FAM20C: variants seen among roughly 807,000 people sequenced by gnomAD.
FAM20C encodes the protein FAM20C golgi associated secretory pathway kinase, also known as extracellular serine/threonine protein kinase FAM20C.
FAM20C carries 40 observed loss-of-function variants against 51.5 expected under a neutral mutation model. The ratio of observed to expected loss-of-function variants is 0.78; its 90% CI spans 0.60 to 1.01. The LOEUF is 1.01. FAM20C is among the 50% of genes least tolerant of loss of function. FAM20C has a pLI of 0.00. For missense variants in FAM20C, 861 were observed against 844.7 expected (o/e 1.02, Z -0.24); for synonymous variants, 406 against 380.6 (o/e 1.07, Z -0.78).
chr7:254,934 A>T (rs1237548988), intron 5 of FAM20C, among the ~76,000 whole-genome samples: 1 of 151,910 alleles, frequency 6.6e-6, no homozygotes, highest in Admixed American at 6.6e-5. Flanking sequence ...TTCTTGTTTC[A>T]TTTCGTTTCG....
intron 3 of FAM20C, among the ~76,000 whole-genome samples, chr7:214,967 G>T (rs1313777821): frequency 5.3e-5 from 8 of 152,068 alleles, no homozygotes; most frequent in Non-Finnish European, 1.0e-4. Flanking sequence ...ACACAGATGT[G>T]ACTCAGACTC....
intron 5 of FAM20C, among the ~76,000 whole-genome samples, chr7:253,954 C>G (rs1380356401): frequency 6.6e-6 from 1 of 152,176 alleles, no homozygotes; most frequent in Admixed American, 6.5e-5. Flanking sequence ...CTGCCTCGTC[C>G]GACTGTGGGC....
intron 5 of FAM20C, among the ~76,000 whole-genome samples, chr7:254,279 GA>G (rs1352583165): frequency 1.3e-5 from 2 of 152,194 alleles, no homozygotes; most frequent in Non-Finnish European, 2.9e-5. Context: ...CCTGCCTTCT[GA>G]TCCCACGGGG....
chr7:256,941 G>A, intron 7 of FAM20C, 64 bp from the exon 8 acceptor site: 1 of 1,505,806 alleles, frequency 6.6e-7, no homozygotes, highest in Non-Finnish European at 8.9e-7. Context: ...GCAGAGCACA[G>A]AGGCCTCTGA....
rs56888580 is a variant in FAM20C, at chr7:209,553, T to C, written c.863+577T>C. ...GCCCTGATCTGGATAAAATAGAAAC[T>C]GTGTCAGTCACCAAAACCGATAACA... On this transcript the variant is annotated intron_variant, in intron 3 of 9. Coordinates refer to ENST00000313766, the MANE Select transcript of FAM20C (RefSeq NM_020223.4). Among the ~76,000 whole-genome samples the C allele has an allele frequency of 7.0e-5, 10 of 143,248 alleles. No homozygotes were observed. In the South Asian group the frequency reaches 2.3e-3, roughly 33 times the overall value. The allele number at this position is 143,248 out of a possible 152,430, so 94.0% of individuals were successfully genotyped here. A position where few individuals can be genotyped will look rare whatever the true frequency, so the allele number is the denominator to read the frequency against.
Position 193,222 on chromosome 7 carries a change from G to A in FAM20C, c.23G>A (p.Arg8Gln), listed in dbSNP as rs73251052. The stretch of plus-strand genomic sequence containing the variant: ...GCCATGAAGATGATGCTGGTGCGCC[G>A]GTTCCGCGTGCTCATCCTGATGGTG... MKMMLVR[R>Q]FRVLILMVFL... Residue 8 changes from arginine (R) to glutamine (Q), a missense_variant, in exon 1 of 10, where the codon CGG becomes CAG. Arg to Gln is a conservative substitution (Grantham distance 43). This residue lies in a region of FAM20C where 561 missense variants were observed against 499.8 expected (regional missense o/e 1.12). Coordinates refer to ENST00000313766, the MANE Select transcript of FAM20C (RefSeq NM_020223.4). 2.4e-4 allele frequency: 349 copies of A among 1,462,028 alleles called. 2 individuals are homozygous for A. In the African/African-American group the frequency reaches 4.7e-3, roughly 20 times the overall value. 90.6% of individuals were successfully genotyped at this position (1,462,028 alleles called of 1,614,324 possible).
intron 3 of FAM20C, among the ~76,000 whole-genome samples, chr7:212,784 C>T (rs1411283566): frequency 6.6e-6 from 1 of 152,146 alleles, no homozygotes. Flanking sequence ...TATTTACGTT[C>T]TTTTTTTAAA....
chr7:234,198 G>A (rs1268503100), intron 3 of FAM20C, among the ~76,000 whole-genome samples: 1 of 152,238 alleles, frequency 6.6e-6, no homozygotes, highest in Non-Finnish European at 1.5e-5. Flanking sequence ...CGGCCGCCAG[G>A]ATTTCACCCG....
intron 3 of FAM20C, among the ~76,000 whole-genome samples, chr7:216,982 C>T (rs1787013254): frequency 1.3e-5 from 2 of 152,234 alleles, no homozygotes; most frequent in South Asian, 4.1e-4. Context: ...TGAACGGCCT[C>T]ATCCCAAGCA....
At position 258,694 on chromosome 7, in the gene FAM20C, G is replaced by T. The variant is rs1157186074; in HGVS notation, c.1494G>T (p.Gln498His). ...AGCTCTCCATCCTGGTGCCGCTACA[G>T]CAGTGCTGCAGGTACAGCCCCTGCC... The part of the protein sequence containing the change: ...HDELSILVPL[Q>H]QCCRIRKSTY... The change falls in exon 9 of 10, where the codon CAG (glutamine) becomes CAT (histidine). Residue 498 changes from glutamine to histidine, a missense_variant. Around this residue, in one of 3 missense-constraint regions of FAM20C, gnomAD observed 269 missense variants for 283.8 expected, o/e 0.95. Transcript: ENST00000313766. The T allele has an allele frequency of 1.3e-6, 2 of 1,536,202 alleles. No individual in the cohort carries two copies. Among genetic ancestry groups the T allele is most frequent in the African/African-American group, 1.4e-5 (1 of 72,988 alleles).
intron 3 of FAM20C, among the ~76,000 whole-genome samples, chr7:214,864 G>A (rs528868989): frequency 2.0e-5 from 3 of 152,270 alleles, no homozygotes; most frequent in South Asian, 4.1e-4. Context: ...GGCTGCCCAT[G>A]ACACTGGCTG....
At chr7:231,930 C>T (rs1234845774) in intron 3 of FAM20C, among the ~76,000 whole-genome samples, 1 of 152,176 alleles carries the variant, frequency 6.6e-6, no homozygotes, top group Non-Finnish European at 1.5e-5. Context: ...CCAAGGACTC[C>T]ATCCTCCGGC....
chr7:194,004 T>A, intron 1 of FAM20C, 200 bp downstream of exon 1: 1 of 852,628 alleles, frequency 1.2e-6, no homozygotes, highest in Non-Finnish European at 1.6e-6. Flanking sequence ...GGCTGCCGGC[T>A]GGTCCGGGAG....
intron 2 of FAM20C, among the ~76,000 whole-genome samples, chr7:203,975 T>A (rs1786239394): frequency 6.6e-6 from 1 of 152,202 alleles, no homozygotes; most frequent in Non-Finnish European, 1.5e-5. Flanking sequence ...CGTTATTATC[T>A]TACTAAAAAA....
At chr7:228,595 G>T (rs748249438) in intron 3 of FAM20C, 6 of 456,160 alleles carry the variant, frequency 1.3e-5, no homozygotes, top group Non-Finnish European at 2.6e-5. Flanking sequence ...TGAGGGCAGC[G>T]TTTCCACAGA....
rs57297543 is a variant in FAM20C at position 224,300 on chromosome 7, T to C, written c.863+15324T>C. Among the ~76,000 whole-genome samples, 152 of 19,246 alleles carry C rather than the reference T, an allele frequency of 7.9e-3. 6 individuals are homozygous for C. Among genetic ancestry groups the C allele is most frequent in the Non-Finnish European group, 0.01 (79 of 7,534 alleles). 12.6% of individuals were successfully genotyped at this position (19,246 alleles called of 152,430 possible). ...CTGAGCCTTCTCTCACGGAGCAGAA[T>C]GGCACCGTCACGGGGGTCGCACGGC... On this transcript the variant is annotated intron_variant, in intron 3 of 9. Coordinates refer to ENST00000313766, the MANE Select transcript of FAM20C (RefSeq NM_020223.4).
intron 2 of FAM20C, among the ~76,000 whole-genome samples, chr7:208,555 T>G (rs1786550560): frequency 8.4e-6 from 1 of 118,662 alleles, no homozygotes; most frequent in Non-Finnish European, 1.9e-5. Flanking sequence ...TGTGTGTACA[T>G]GGGTGTGGGT....
intron 6 of FAM20C, 195 bp from the exon 7 acceptor site, chr7:256,459 C>T (rs557315284): frequency 1.3e-4 from 81 of 602,514 alleles, no homozygotes; most frequent in African/African-American, 1.3e-3. Context: ...GGGGTCACCC[C>T]GAGGCAGGGC....
At chr7:220,303 C>T (rs953859718) in intron 3 of FAM20C, among the ~76,000 whole-genome samples, 1 of 152,192 alleles carries the variant, frequency 6.6e-6, no homozygotes, top group Non-Finnish European at 1.5e-5. Flanking sequence ...TCTCCTCTCA[C>T]CCCTGCCCTG....
Sources: gnomAD v4.1 joint callset for allele counts (sites outside exome capture counted in the v4.1 genomes callset) on GRCh38, gnomAD v4.1.1 for gene constraint, gnomAD v4.1.1 regional missense constraint, MANE v1.5 for transcripts, NCBI Gene and HGNC (gene_info 2026-07-23, HGNC 2026-07-21) for gene names.